Variants in NUAK1 observed in about 807,000 individuals in gnomAD.
NUAK1 encodes NUAK family SNF1-like kinase 1.
NUAK1 carries 26 observed loss-of-function variants against 56.9 expected under a neutral mutation model. That is an observed-to-expected ratio of 0.46 (90% CI 0.33 to 0.63). The LOEUF (loss-of-function observed/expected upper bound fraction) is 0.63. Among genes scored for constraint, NUAK1 ranks in the 30% least tolerant of loss-of-function variants. The pLI is 0.02. For missense variants in NUAK1, 727 were observed against 876.1 expected, an observed-to-expected ratio of 0.83 and a Z score of 2.15; for synonymous variants, 337 against 336.0, an observed-to-expected ratio of 1.00 and a Z score of -0.03.
intron 1 of NUAK1, among the ~76,000 whole-genome samples, chr12:106,107,446 G>C (rs1004457730): frequency 6.6e-6 from 1 of 152,182 alleles, no homozygotes; most frequent in Non-Finnish European, 1.5e-5. Flanking sequence ...GGGTAACAAA[G>C]AAGCCCACCA....
intron 1 of NUAK1, among the ~76,000 whole-genome samples, chr12:106,137,062 T>C (rs529516654): frequency 1.0e-4 from 6 of 57,898 alleles, no homozygotes; most frequent in African/African-American, 2.2e-4. Flanking sequence ...TGATAACAGA[T>C]TTTTTTTTAA....
intron 1 of NUAK1, among the ~76,000 whole-genome samples, chr12:106,112,497 C>T (rs1047271743): frequency 2.6e-5 from 4 of 152,086 alleles, no homozygotes; most frequent in African/African-American, 7.2e-5. Context: ...AGCCTCTGGC[C>T]GAGGACAGTC....
intron 4 of NUAK1, among the ~76,000 whole-genome samples, chr12:106,077,676 C>T (rs2032477853): frequency 6.6e-6 from 1 of 152,152 alleles, no homozygotes; most frequent in Non-Finnish European, 1.5e-5. Flanking sequence ...CCAATCTGGC[C>T]CACGGACCAG....
At chr12:106,084,305 C>A (rs954309937) in intron 3 of NUAK1, among the ~76,000 whole-genome samples, 1 of 152,230 alleles carries the variant, frequency 6.6e-6, no homozygotes, top group Admixed American at 6.5e-5. Context: ...AGGGAAGAAG[C>A]AGATTTCTCT....
intron 2 of NUAK1, among the ~76,000 whole-genome samples, chr12:106,100,123 A>T (rs987641578): frequency 2.0e-5 from 3 of 149,890 alleles, no homozygotes; most frequent in East Asian, 4.1e-4. Flanking sequence ...TACCAACATG[A>T]CCTCCCAGAG....
chr12:106,084,029 A>C, intron 3 of NUAK1, 100 bp from the exon 4 acceptor site: 1 of 1,024,562 alleles, frequency 9.8e-7, no homozygotes, highest in African/African-American at 1.6e-5. Flanking sequence ...AATGTCTGAC[A>C]GATTAAAGAA....
At chr12:106,110,937 C>T (rs1357342685) in intron 1 of NUAK1, among the ~76,000 whole-genome samples, 1 of 152,108 alleles carries the variant, frequency 6.6e-6, no homozygotes, top group African/African-American at 2.4e-5. Context: ...TTTGAATAAT[C>T]ACCAAAAACC....
At position 106,067,294 on chromosome 12, in the gene NUAK1, G is replaced by T. The variant is rs1338228437; in HGVS notation, c.1494C>A (p.Gly498=). The T allele has an allele frequency of 1.1e-5, 17 of 1,614,028 alleles. No homozygotes were observed. The highest frequency in any genetic ancestry group is 1.4e-5 in the Non-Finnish European group (17 of 1,180,014). ...GGGGGCTGGGGGAGGGGATGCTGCTGCCCATCACATCATTACTGTCCAACA... is the reference window on the plus strand; with the variant it reads ...GGGGGCTGGGGGAGGGGATGCTGCTTCCCATCACATCATTACTGTCCAACA... ...SELLDSNDVM[G]SSIPSPSPPD... is the part of the protein sequence containing the mutation. The change falls in exon 7 of 7, where the codon GGC becomes GGA. Residue 498 remains glycine, a synonymous_variant. Transcript: ENST00000261402. This position sits in a 1 kb window ranked among gnomAD's most constrained non-coding sequence, Gnocchi z 6.0.
Position 106,135,854 on chromosome 12 carries a change from G to A in NUAK1, c.240+2560C>T, listed in dbSNP as rs114014836. Among the ~76,000 whole-genome samples, 1,258 of 152,318 alleles carry A rather than the reference G, an allele frequency of 8.3e-3. 12 individuals carry two copies. The highest frequency in any genetic ancestry group is 0.028 in the African/African-American group (1,175 of 41,554). ...ATATTTTAGATGAAAATGTCTTACTGCTCTTAACAGGTTCTGAGTCACCAG... is the reference window on the plus strand; with the variant it reads ...ATATTTTAGATGAAAATGTCTTACTACTCTTAACAGGTTCTGAGTCACCAG... On this transcript the variant is annotated intron_variant, in intron 1 of 6. Coordinates refer to ENST00000261402, the MANE Select transcript of NUAK1 (RefSeq NM_014840.3).
intron 1 of NUAK1, among the ~76,000 whole-genome samples, chr12:106,113,254 A>G (rs1377591266): frequency 6.6e-6 from 1 of 152,228 alleles, no homozygotes; most frequent in Non-Finnish European, 1.5e-5. Context: ...GTTTGTAAAC[A>G]TAAGATACAA....
rs749672778 is a variant in NUAK1, at chr12:106,072,676, C to T, written c.699+48G>A. ...AATCCAGTTTTTGCCCTTCCTCCCT[C>T]TTCTCCCTCCCCTCCCCTGCCCCAT... On this transcript the variant is annotated intron_variant, in intron 5 of 6. Coordinates refer to ENST00000261402, the MANE Select transcript of NUAK1 (RefSeq NM_014840.3). 11 of 1,569,270 alleles carry T rather than the reference C, an allele frequency of 7.0e-6. No individual in the cohort carries two copies. In the African/African-American group the frequency reaches 1.5e-4, roughly 21 times the overall value.
intron 4 of NUAK1, among the ~76,000 whole-genome samples, chr12:106,076,510 C>T (rs547868941): frequency 3.3e-5 from 5 of 152,256 alleles, no homozygotes; most frequent in East Asian, 1.9e-4. Context: ...CACCTTCTGC[C>T]CCTGCCCTGT....
At chr12:106,084,791 G>C (rs2032555396) in intron 3 of NUAK1, among the ~76,000 whole-genome samples, 1 of 152,184 alleles carries the variant, frequency 6.6e-6, no homozygotes, top group South Asian at 2.1e-4. Context: ...AGAGCAGTGG[G>C]CCCGAAAGAA....
intron 1 of NUAK1, among the ~76,000 whole-genome samples, chr12:106,117,989 G>C (rs1435053535): frequency 6.6e-6 from 1 of 152,156 alleles, no homozygotes; most frequent in African/African-American, 2.4e-5. Context: ...ACTATCGTAA[G>C]TCTTAATTTG....
chr12:106,138,778 C>A lies in NUAK1; in HGVS notation c.-125G>T. The A allele has an allele frequency of 7.6e-7, 1 of 1,308,836 alleles. No individual in the cohort carries two copies. The highest frequency in any genetic ancestry group is 1.0e-6 in the Non-Finnish European group (1 of 1,004,552). 81.1% of individuals were successfully genotyped at this position (1,308,836 alleles called of 1,614,324 possible). A position where few individuals can be genotyped will look rare whatever the true frequency, so the allele number is the denominator to read the frequency against. ...GCCCCCGCAGCATCAGGGAGGCGGC[C>A]CGATACCGCTCGGACTGCGGCTCGG... On this transcript the variant is annotated 5_prime_UTR_variant, in exon 1 of 7. Coordinates refer to ENST00000261402, the MANE Select transcript of NUAK1 (RefSeq NM_014840.3). The surrounding 1 kb of genome is among the most constrained non-coding windows in gnomAD (Gnocchi z 5.0).
intron 4 of NUAK1, among the ~76,000 whole-genome samples, chr12:106,079,920 G>A (rs1407190043): frequency 6.6e-6 from 1 of 152,192 alleles, no homozygotes; most frequent in Non-Finnish European, 1.5e-5. Flanking sequence ...CCAGCACAGG[G>A]TCAAGTACAC....
rs200489873 is a variant in NUAK1 at position 106,067,325 on chromosome 12, G to A, written c.1463C>T (p.Ser488Leu). ...CACATCATTACTGTCCAACAGCTCC[G>A]AAGACTCACTGCGCTCTGGGGAAGA... ...YYSSPERSES[S>L]ELLDSNDVMG... The change falls in exon 7 of 7, where the codon TCG becomes TTG. Residue 488 changes from serine to leucine, a missense_variant. Physicochemically the swap from Ser to Leu is moderately radical, Grantham distance 145. Transcript: ENST00000261402. The surrounding 1 kb of genome is among the most constrained non-coding windows in gnomAD (Gnocchi z 6.0). The A allele has an allele frequency of 4.1e-5, 66 of 1,614,170 alleles. No individual in the cohort carries two copies. The East Asian group carries it at 6.2e-4, about 15-fold the overall frequency.
chr12:106,072,401 G>A (rs2032415396), intron 5 of NUAK1, among the ~76,000 whole-genome samples: 1 of 152,124 alleles, frequency 6.6e-6, no homozygotes, highest in African/African-American at 2.4e-5. Context: ...TGTATATCTT[G>A]CCTTTTATTA....
chr12:106,123,852 C>T (rs1034310183), intron 1 of NUAK1, among the ~76,000 whole-genome samples: 1 of 152,174 alleles, frequency 6.6e-6, no homozygotes, highest in Non-Finnish European at 1.5e-5. Flanking sequence ...TTGGCTACAA[C>T]GTCCCACTGG....
Sources: allele counts gnomAD v4.1 joint callset (sites outside exome capture counted in the v4.1 genomes callset), GRCh38; gene constraint gnomAD v4.1.1; non-coding constraint Gnocchi (gnomAD v3.1); transcripts MANE v1.5; gene names NCBI Gene and HGNC (gene_info 2026-07-23, HGNC 2026-07-21).